Variants in UTP4 observed in about 807,000 individuals in gnomAD.
UTP4 encodes UTP4 small subunit processome component, also known as U3 small nucleolar RNA-associated protein 4 homolog.
Under a neutral mutation model 82.4 loss-of-function variants are expected in UTP4, and 45 were observed. The ratio of observed to expected loss-of-function variants is 0.55; its 90% CI spans 0.43 to 0.70. The LOEUF (loss-of-function observed/expected upper bound fraction) is 0.70. UTP4 is among the 30% of genes least tolerant of loss of function. The pLI is 0.00. For synonymous variants in UTP4, 348 were observed against 300.3 expected (o/e 1.16, Z -1.64); for missense variants, 819 against 858.3 (o/e 0.95, Z 0.57).
At position 69,143,189 on chromosome 16, in the gene UTP4, C is replaced by A. The variant is rs752863134; in HGVS notation, c.538C>A (p.His180Asn). The A allele has an allele frequency of 5.6e-6, 9 of 1,614,078 alleles. No homozygotes were observed. The South Asian group carries it at 8.8e-5, about 16-fold the overall frequency. ...VFDVKSGSAV[H>N]KMIVDRQYMG... ...TTCTGATTTTTCAGGCAGCGCTGTT[C>A]ATAAGATGATTGTGGACAGGCAGTA... is the stretch of plus-strand genomic sequence containing the variant. The change falls in exon 6 of 17, where the codon CAT becomes AAT. Residue 180 changes from histidine (H) to asparagine (N), a missense_variant. Physicochemically the swap from His to Asn is moderately conservative, Grantham distance 68. Transcript: ENST00000314423.
intron 3 of UTP4, 118 bp downstream of exon 3, chr16:69,137,005 A>G (rs1459538480): frequency 4.6e-5 from 40 of 876,128 alleles, no homozygotes; most frequent in Admixed American, 2.4e-4. Context: ...CCCCAACTAT[A>G]AGATTGGAAT....
Position 69,155,942 on chromosome 16 carries a change from GT to G in UTP4, c.1242del (p.Leu415SerfsTer4). ...SWIAYSTVSR[F>X]FLYRLNYEHD... ...GGATAGCCTATTCTACAGTTTCTCGGTTTTTTCTCTATCGGCTGAATTATGA... is the reference window on the plus strand; with the variant it reads ...GGATAGCCTATTCTACAGTTTCTCGGTTTTTCTCTATCGGCTGAATTATGA... On this transcript the variant is annotated frameshift_variant, in exon 11 of 17. Transcript: ENST00000314423. LOFTEE classifies it high-confidence loss of function. The G allele has an allele frequency of 6.2e-7, 1 of 1,614,004 alleles. No individual in the cohort carries two copies. The highest frequency in any genetic ancestry group is 8.5e-7 in the Non-Finnish European group (1 of 1,179,956).
At chr16:69,154,478 TCTGAATTCTAGAGC>T in intron 10 of UTP4, 21 bp downstream of exon 10, 2 of 1,574,504 alleles carry the variant, frequency 1.3e-6, no homozygotes, top group South Asian at 1.1e-5. Context: ...TTGTTTAGGC[TCTGAATTCTAGAGC>T]CTGAATTCTA....
At chr16:69,155,463 C>A (rs999648097) in intron 10 of UTP4, among the ~76,000 whole-genome samples, 23 of 152,184 alleles carry the variant, frequency 1.5e-4, no homozygotes, top group Admixed American at 7.9e-4. Flanking sequence ...CTGTACCTGG[C>A]CTTCAAATGT....
rs1304794986 is a variant in UTP4, at chr16:69,163,161, G to A, written c.1630G>A (p.Ala544Thr). Residue 544 changes from alanine to threonine, a missense_variant, in exon 14 of 17, where the codon GCT (alanine) becomes ACT (threonine). Coordinates refer to ENST00000314423, the MANE Select transcript of UTP4 (RefSeq NM_032830.3). ...IAPNTNNLVIAHSDQQVFEYS... is the reference protein window; with the variant it reads ...IAPNTNNLVITHSDQQVFEYS... ...CCCCAATACCAACAACCTTGTCATCGCTCATTCGGACCAGCAGGTAAGGGA... is the reference window on the plus strand; with the variant it reads ...CCCCAATACCAACAACCTTGTCATCACTCATTCGGACCAGCAGGTAAGGGA... 3.1e-6 allele frequency: 5 copies of A among 1,613,200 alleles called. No homozygotes were observed. The highest frequency in any genetic ancestry group is 1.3e-5 in the African/African-American group (1 of 74,884).
chr16:69,156,796 T>A (rs1482849987), intron 11 of UTP4, among the ~76,000 whole-genome samples: 19 of 152,234 alleles, frequency 1.2e-4, no homozygotes, highest in Non-Finnish European at 2.9e-5. Context: ...TTTTGAGGTA[T>A]GTTCTTAGAG....
chr16:69,165,230 A>G, intron 14 of UTP4, 111 bp from the exon 15 acceptor site: 1 of 881,884 alleles, frequency 1.1e-6, no homozygotes, highest in East Asian at 2.5e-5. Flanking sequence ...GCATAGAATG[A>G]ATATAATACA....
chr16:69,159,787 A>G (rs553475513), intron 12 of UTP4, among the ~76,000 whole-genome samples: 20 of 152,254 alleles, frequency 1.3e-4, no homozygotes, highest in Admixed American at 9.2e-4. Flanking sequence ...CAGGAGTTCA[A>G]GACCAGCCCA....
chr16:69,143,084 C>G, intron 5 of UTP4, 94 bp from the exon 6 acceptor site: 1 of 1,347,464 alleles, frequency 7.4e-7, no homozygotes, highest in Non-Finnish European at 1.1e-6. Flanking sequence ...CCTTAAACTC[C>G]AGGGCTCAAG....
At position 69,143,380 on chromosome 16, in the gene UTP4, T is replaced by C. The variant is rs1963022134; in HGVS notation, c.729T>C (p.Ala243=). Residue 243 remains alanine, a synonymous_variant, in exon 6 of 17, where the codon GCT becomes GCC. Coordinates refer to ENST00000314423, the MANE Select transcript of UTP4 (RefSeq NM_032830.3). ...CTAATGCTGACGTGCAGTCCATTGC[T>C]GTAGCTGACGTGAGTACAGTCCCTG... The part of the protein sequence containing the change: ...LIANADVQSI[A]VADQEDSFVV... The C allele has an allele frequency of 1.2e-6, 2 of 1,614,072 alleles. No homozygotes were observed. The highest frequency in any genetic ancestry group is 8.5e-7 in the Non-Finnish European group (1 of 1,179,950).
Position 69,168,893 on chromosome 16 carries a change from G to A in UTP4, c.2017G>A (p.Ala673Thr), listed in dbSNP as rs754953157. Residue 673 changes from alanine (A) to threonine (T), a missense_variant, in exon 17 of 17, where the codon GCT becomes ACT. By Grantham distance (58) the Ala-to-Thr change is moderately conservative (BLOSUM62 0). Coordinates refer to ENST00000314423, the MANE Select transcript of UTP4 (RefSeq NM_032830.3). ...AVERPLDDII[A>T]QLPPPIKKKK... Reference sequence around the variant, plus strand: ...AGAACGGCCTCTGGATGACATCATTGCTCAGCTCCCACCACCCATTAAAAA... The same window carrying A: ...AGAACGGCCTCTGGATGACATCATTACTCAGCTCCCACCACCCATTAAAAA... The A allele has an allele frequency of 1.6e-5, 26 of 1,613,874 alleles. No homozygotes were observed. In the South Asian group the frequency reaches 2.9e-4, roughly 18 times the overall value.
intron 13 of UTP4, among the ~76,000 whole-genome samples, chr16:69,162,311 CTTACGCCTGTAA>C (rs1963583821): frequency 6.6e-6 from 1 of 151,688 alleles, no homozygotes; most frequent in South Asian, 2.1e-4. Context: ...GGTGCGGTGG[CTTACGCCTGTAA>C]TCCCAGCACT....
chr16:69,155,970 C>G lies in UTP4; in HGVS notation c.1264C>G (p.His422Asp). Residue 422 changes from histidine (H) to aspartate (D), a missense_variant, in exon 11 of 17, where the codon CAT becomes GAT. Physicochemically the swap from His to Asp is moderately conservative, Grantham distance 81. Coordinates refer to ENST00000314423, the MANE Select transcript of UTP4 (RefSeq NM_032830.3). Reference sequence around the variant, plus strand: ...TTTTCTCTATCGGCTGAATTATGAACATGACAACATAAGCCTCAAAAGGGT... The same window carrying G: ...TTTTCTCTATCGGCTGAATTATGAAGATGACAACATAAGCCTCAAAAGGGT... ...RFFLYRLNYE[H>D]DNISLKRVSK... is the part of the protein sequence containing the mutation. 1 of 1,614,076 alleles carries G rather than the reference C, an allele frequency of 6.2e-7. No individual in the cohort carries two copies. Among genetic ancestry groups the G allele is most frequent in the Middle Eastern group, 1.6e-4 (1 of 6,062 alleles).
intron 11 of UTP4, among the ~76,000 whole-genome samples, chr16:69,156,748 C>T (rs370488465): frequency 5.3e-5 from 8 of 152,308 alleles, no homozygotes; most frequent in East Asian, 1.9e-4. Flanking sequence ...TGAGACACTG[C>T]GCCCGGCCCA....
intron 6 of UTP4, 122 bp downstream of exon 6, chr16:69,143,511 G>A (rs1963025834): frequency 2.2e-6 from 2 of 890,448 alleles, no homozygotes; most frequent in African/African-American, 3.3e-5. Context: ...GGAGGAAGAT[G>A]AGTTTAGGAA....
intron 6 of UTP4, among the ~76,000 whole-genome samples, chr16:69,144,013 C>T (rs751170703): frequency 8.6e-5 from 13 of 151,320 alleles, no homozygotes; most frequent in Non-Finnish European, 1.5e-4. Flanking sequence ...TCAGCCTCCC[C>T]AGTAGCTCGG....
intron 6 of UTP4, among the ~76,000 whole-genome samples, chr16:69,147,273 G>T (rs1250213063): frequency 6.6e-6 from 1 of 151,702 alleles, no homozygotes; most frequent in East Asian, 1.9e-4. Flanking sequence ...GGAGGCCGAT[G>T]CGGGTGGATT....
At chr16:69,155,022 G>C (rs1174356037) in intron 10 of UTP4, among the ~76,000 whole-genome samples, 1 of 151,850 alleles carries the variant, frequency 6.6e-6, no homozygotes, top group Non-Finnish European at 1.5e-5. Flanking sequence ...GCCCAGCCAT[G>C]TGCATATTTT....
rs753617639 is a variant in UTP4 at position 69,154,420 on chromosome 16, C to T, written c.1127C>T (p.Ser376Phe). The T allele has an allele frequency of 5.6e-6, 9 of 1,613,078 alleles. No homozygotes were observed. Among genetic ancestry groups the T allele is most frequent in the African/African-American group, 1.3e-5 (1 of 74,906 alleles). The change falls in exon 10 of 17, where the codon TCT becomes TTT. Residue 376 changes from serine to phenylalanine, a missense_variant. Transcript: ENST00000314423. ...TGKNGDTLPL[S>F]KNADHLLHLK... The stretch of plus-strand genomic sequence containing the variant: ...AAGAATGGGGATACTCTTCCACTCT[C>T]TAAAAATGCAGATCATTTACTGCAC...
Sources: allele counts gnomAD v4.1 joint callset (sites outside exome capture counted in the v4.1 genomes callset), GRCh38; gene constraint gnomAD v4.1.1; transcripts MANE v1.5; gene names NCBI Gene and HGNC (gene_info 2026-07-23, HGNC 2026-07-21).